ANPEP: variants seen among roughly 807,000 people sequenced by gnomAD.
ANPEP encodes the protein alanyl aminopeptidase, membrane, also known as aminopeptidase N.
Under a neutral mutation model 114.6 loss-of-function variants are expected in ANPEP, and 70 were observed. The ratio of observed to expected loss-of-function variants is 0.61; its 90% CI spans 0.50 to 0.75. ANPEP has a LOEUF of 0.75. Ranked by LOEUF, ANPEP falls within the 30% of genes least tolerant of loss-of-function variation. ANPEP has a pLI of 0.00. For synonymous variants in ANPEP, 548 were observed against 522.3 expected (o/e 1.05, Z -0.67); for missense variants, 1,184 against 1,259.5 (o/e 0.94, Z 0.91).
At chr15:89,808,397 G>A (rs1290294401) in intron 1 of ANPEP, among the ~76,000 whole-genome samples, 1 of 152,236 alleles carries the variant, frequency 6.6e-6, no homozygotes, top group East Asian at 1.9e-4. Flanking sequence ...GATCTGTGTG[G>A]TGATAACTTG....
chr15:89,800,751 G>A (rs1894571888), intron 12 of ANPEP, among the ~76,000 whole-genome samples: 2 of 151,936 alleles, frequency 1.3e-5, no homozygotes, highest in Admixed American at 1.3e-4. Flanking sequence ...AGTAGAAATG[G>A]GGTTTCTCCA....
intron 15 of ANPEP, 45 bp from the exon 16 acceptor site, chr15:89,793,171 C>T: frequency 6.5e-7 from 1 of 1,547,044 alleles, no homozygotes; most frequent in Non-Finnish European, 8.9e-7. Context: ...TCATGCCTGA[C>T]CTGCCTGGAG....
chr15:89,796,938 T>C (rs1478512097), intron 15 of ANPEP, among the ~76,000 whole-genome samples: 1 of 152,242 alleles, frequency 6.6e-6, no homozygotes, highest in Non-Finnish European at 1.5e-5. Context: ...TGTTTGCTTT[T>C]TGTCTTTTAT....
In ANPEP at chr15:89,803,023, C is replaced by T. The variant is rs1002827159; in HGVS notation, c.1569+216G>A. Among the ~76,000 whole-genome samples, 13 of 152,226 alleles carry T rather than the reference C, an allele frequency of 8.5e-5. No homozygotes were observed. Among genetic ancestry groups the T allele is most frequent in the African/African-American group, 3.1e-4 (13 of 41,532 alleles). On this transcript the variant is annotated intron_variant, in intron 10 of 20. Transcript: ENST00000300060. This position sits in a 1 kb window ranked among gnomAD's most constrained non-coding sequence, Gnocchi z 4.2. ...GCCCGCTGTAGCCTGAGGTCAGCTG[C>T]TGGCCAGGACCTCAACCACAGCCTC... is the stretch of plus-strand genomic sequence containing the variant.
intron 15 of ANPEP, among the ~76,000 whole-genome samples, chr15:89,796,175 C>T (rs965995005): frequency 3.3e-5 from 5 of 152,166 alleles, no homozygotes; most frequent in Non-Finnish European, 7.4e-5. Flanking sequence ...TTGATTGCAC[C>T]ACTGCACTCC....
At chr15:89,813,681 C>T (rs184528962) in intron 1 of ANPEP, among the ~76,000 whole-genome samples, 23 of 152,296 alleles carry the variant, frequency 1.5e-4, no homozygotes, top group Admixed American at 3.9e-4. Flanking sequence ...AGGCTGTCCC[C>T]ACTTCCTCCT....
In ANPEP at chr15:89,803,176, C is replaced by T; in HGVS notation, c.1569+63G>A. 6.4e-7 allele frequency: 1 copy of T among 1,554,276 alleles called. No homozygotes were observed. Among genetic ancestry groups the T allele is most frequent in the Non-Finnish European group, 8.9e-7 (1 of 1,125,820 alleles). ...CATTCTCTTACGCATGTGCTGCCCCCAGGTACCTTCAGCATCTCAAGACCC... is the reference window on the plus strand; with the variant it reads ...CATTCTCTTACGCATGTGCTGCCCCTAGGTACCTTCAGCATCTCAAGACCC... On this transcript the variant is annotated intron_variant, in intron 10 of 20. Coordinates refer to ENST00000300060, the MANE Select transcript of ANPEP (RefSeq NM_001150.3). This position sits in a 1 kb window ranked among gnomAD's most constrained non-coding sequence, Gnocchi z 4.2.
At position 89,808,717 on chromosome 15, in the gene ANPEP, C is replaced by T. The variant is rs575549790; in HGVS notation, c.-223-1911G>A. Among the ~76,000 whole-genome samples, 5 of 152,308 alleles carry T rather than the reference C, an allele frequency of 3.3e-5. No homozygotes were observed. The East Asian group carries it at 9.7e-4, about 29-fold the overall frequency. On this transcript the variant is annotated intron_variant, in intron 1 of 20. Transcript: ENST00000300060. ...AGCATGTCAGGGCCCCACATGCCTTCCTGCTCCCTCAGCTCTGCTCCCTGA... is the reference window on the plus strand; with the variant it reads ...AGCATGTCAGGGCCCCACATGCCTTTCTGCTCCCTCAGCTCTGCTCCCTGA...
At chr15:89,808,809 T>A (rs1225697109) in intron 1 of ANPEP, among the ~76,000 whole-genome samples, 1 of 152,182 alleles carries the variant, frequency 6.6e-6, no homozygotes, top group Non-Finnish European at 1.5e-5. Flanking sequence ...GCTTCTTAAA[T>A]AAATGCAATG....
In ANPEP at chr15:89,803,823, C is replaced by T. The variant is rs1385108894; in HGVS notation, c.1294-33G>A. On this transcript the variant is annotated intron_variant, in intron 7 of 20. Coordinates refer to ENST00000300060, the MANE Select transcript of ANPEP (RefSeq NM_001150.3). This position sits in a 1 kb window ranked among gnomAD's most constrained non-coding sequence, Gnocchi z 4.2. ...TTCCCCAGGGCCATCAGGAGACTGGCCTGGTAGCGGTGGCCCAGGTCTCCC... is the reference window on the plus strand; with the variant it reads ...TTCCCCAGGGCCATCAGGAGACTGGTCTGGTAGCGGTGGCCCAGGTCTCCC... 6.2e-7 allele frequency: 1 copy of T among 1,611,556 alleles called. No individual in the cohort carries two copies. Among genetic ancestry groups the T allele is most frequent in the Non-Finnish European group, 8.5e-7 (1 of 1,178,274 alleles).
At chr15:89,789,376 C>G (rs1311262693) in intron 20 of ANPEP, among the ~76,000 whole-genome samples, 1 of 152,120 alleles carries the variant, frequency 6.6e-6, no homozygotes, top group African/African-American at 2.4e-5. Context: ...GTAAAAAGAC[C>G]TTTTATAAAC....
intron 1 of ANPEP, among the ~76,000 whole-genome samples, chr15:89,811,727 C>T (rs1364475566): frequency 1.3e-5 from 2 of 152,058 alleles, no homozygotes; most frequent in African/African-American, 2.4e-5. Context: ...CAGTTGCACC[C>T]GCTTTGGGAA....
At chr15:89,800,971 G>A in intron 12 of ANPEP, 140 bp downstream of exon 12, 1 of 703,150 alleles carries the variant, frequency 1.4e-6, no homozygotes, top group South Asian at 1.8e-5. Flanking sequence ...ACACAGCGAA[G>A]CAGCAGCAAA....
chr15:89,801,012 A>G, intron 12 of ANPEP, 99 bp downstream of exon 12: 1 of 1,052,962 alleles, frequency 9.5e-7, no homozygotes, highest in East Asian at 2.4e-5. Context: ...AGTCAAGTCC[A>G]TTTGTTGAAT....
chr15:89,787,747 C>G lies in ANPEP; in HGVS notation c.2752-2246G>C, dbSNP rs376641518. 1.1e-4 allele frequency among the ~76,000 whole-genome samples: 17 copies of G among 152,308 alleles called. 1 individual carries two copies. The highest frequency in any genetic ancestry group is 7.7e-4 in the East Asian group (4 of 5,184). ...TCAGAAGGCTGAAGTGGGAGGGTTG[C>G]TTGAGCCCAGGAATTTAAGGACAAC... On this transcript the variant is annotated intron_variant, in intron 20 of 20. Transcript: ENST00000300060.
Position 89,791,016 on chromosome 15 carries a change from T to A in ANPEP, c.2606A>T (p.Asn869Ile), listed in dbSNP as rs1271967195. Residue 869 changes from asparagine to isoleucine, a missense_variant, in exon 19 of 21, where the codon AAC (asparagine) becomes ATC (isoleucine). Physicochemically the swap from Asn to Ile is moderately radical, Grantham distance 149 (BLOSUM62 -3). Coordinates refer to ENST00000300060, the MANE Select transcript of ANPEP (RefSeq NM_001150.3). ...ATSTIISITN[N>I]VIGQGLVWDF... ...CCAGACCAGACCTTGCCCAATGACG[T>A]TGTTGGTAATGCTGATGATGGTAGA... The A allele has an allele frequency of 1.9e-6, 3 of 1,613,988 alleles. No homozygotes were observed. Among genetic ancestry groups the A allele is most frequent in the African/African-American group, 1.3e-5 (1 of 74,910 alleles).
Position 89,792,229 on chromosome 15 carries a change from G to A in ANPEP, c.2459C>T (p.Thr820Ile). 1 of 1,614,218 alleles carries A rather than the reference G, an allele frequency of 6.2e-7. No individual in the cohort carries two copies. The highest frequency in any genetic ancestry group is 1.1e-5 in the South Asian group (1 of 91,090). ...DFAWEQFRNA[T>I]LVNEADKLRA... ...GAGCTTGTCAGCCTCATTGACCAGT[G>A]TGGCATTTCGGAACTGCTCCCAGGC... Residue 820 changes from threonine (T) to isoleucine (I), a missense_variant, in exon 18 of 21, where the codon ACA (threonine) becomes ATA (isoleucine). By Grantham distance (89) the Thr-to-Ile change is moderately conservative. Transcript: ENST00000300060.
chr15:89,792,025 T>C (rs75149654), intron 18 of ANPEP, 135 bp downstream of exon 18: 69,776 of 1,062,594 alleles, frequency 0.066, 2,773 homozygotes, highest in Middle Eastern at 0.14. Flanking sequence ...CTGCACCGGT[T>C]ACTTTGGAAA....
At position 89,804,000 on chromosome 15, in the gene ANPEP, C is replaced by A. The variant is rs1894653697; in HGVS notation, c.1182G>T (p.Trp394Cys). 1 of 1,614,042 alleles carries A rather than the reference C, an allele frequency of 6.2e-7. No individual in the cohort carries two copies. The highest frequency in any genetic ancestry group is 1.1e-5 in the South Asian group (1 of 91,080). ...ACTCTATGGTCACCAGGTTCCCGAA[C>A]CACTGTGGGGGGAGGGGTCAGCTGG... The part of the protein sequence containing the change: ...TVIAHELAHQ[W>C]FGNLVTIEWW... Residue 394 changes from tryptophan to cysteine, a missense_variant and splice_region_variant, in exon 7 of 21, where the codon TGG (tryptophan) becomes TGT (cysteine). By Grantham distance (215) the Trp-to-Cys change is radical. Coordinates refer to ENST00000300060, the MANE Select transcript of ANPEP (RefSeq NM_001150.3). This position sits in a 1 kb window ranked among gnomAD's most constrained non-coding sequence, Gnocchi z 4.2.
Sources: gnomAD v4.1 joint callset for allele counts (sites outside exome capture counted in the v4.1 genomes callset) on GRCh38, gnomAD v4.1.1 for gene constraint, Gnocchi (gnomAD v3.1) non-coding constraint, MANE v1.5 for transcripts, NCBI Gene and HGNC (gene_info 2026-07-23, HGNC 2026-07-21) for gene names.